Variants in ANK3 observed in about 807,000 individuals in gnomAD.
The protein encoded by ANK3 is ankyrin 3.
A neutral mutation model predicts 370.9 loss-of-function variants in ANK3; 57 were observed. That is an observed-to-expected ratio of 0.15 (90% confidence interval 0.12 to 0.19). ANK3 has a LOEUF of 0.19. Ranked by LOEUF, ANK3 falls within the 10% of genes least tolerant of loss-of-function variation. The pLI, the probability that ANK3 is intolerant of heterozygous loss-of-function variation, is 1.00. For synonymous variants in ANK3, 1,929 were observed against 1,946.3 expected (o/e 0.99, Z 0.23); for missense variants, 4,439 against 5,302.1 (o/e 0.84, Z 5.06).
chr10:60,699,436 T>C (rs1225271442), intron 1 of ANK3, among the ~76,000 whole-genome samples: 1 of 152,120 alleles, frequency 6.6e-6, no homozygotes, highest in Non-Finnish European at 1.5e-5. Flanking sequence ...ATTTTACTTT[T>C]TAAAAACATA....
chr10:60,355,931 C>A (rs2057668117), intron 1 of ANK3, among the ~76,000 whole-genome samples: 1 of 152,188 alleles, frequency 6.6e-6, no homozygotes, highest in Non-Finnish European at 1.5e-5. Context: ...AGGGCAGAAA[C>A]AGAAGCCAGT....
intron 43 of ANK3, among the ~76,000 whole-genome samples, chr10:60,035,555 AAAGAG>A (rs200680174): frequency 0.019 from 2,915 of 151,958 alleles, 46 homozygotes; most frequent in Non-Finnish European, 0.029. Flanking sequence ...GCCCGGCCAA[AAAGAG>A]AGCCACAAAG....
chr10:60,404,344 A>G (rs2063410663), intron 2 of ANK3, among the ~76,000 whole-genome samples: 1 of 152,208 alleles, frequency 6.6e-6, no homozygotes, highest in Non-Finnish European at 1.5e-5. Context: ...TTTAAAATTC[A>G]CTATTACAGA....
At chr10:60,418,277 C>A (rs1007611036) in intron 2 of ANK3, among the ~76,000 whole-genome samples, 1 of 152,150 alleles carries the variant, frequency 6.6e-6, no homozygotes, top group Admixed American at 6.5e-5. Context: ...AATAAATATA[C>A]ACCACACTGA....
At chr10:60,054,951 A>AGT (rs1227796822) in intron 42 of ANK3, among the ~76,000 whole-genome samples, 1 of 152,214 alleles carries the variant, frequency 6.6e-6, no homozygotes. Flanking sequence ...AATATCTAAA[A>AGT]ATAGAGTAAA....
intron 28 of ANK3, among the ~76,000 whole-genome samples, chr10:60,098,420 AAAAT>A (rs2090555056): frequency 6.6e-6 from 1 of 152,202 alleles, no homozygotes; most frequent in African/African-American, 2.4e-5. Flanking sequence ...AAGAAAATAA[AAAAT>A]AAATCTATAA....
intron 2 of ANK3, among the ~76,000 whole-genome samples, chr10:60,410,977 C>T (rs1213325546): frequency 3.3e-5 from 5 of 152,082 alleles, no homozygotes; most frequent in Non-Finnish European, 7.4e-5. Context: ...CCTGGCCTCT[C>T]CCATCCAATC....
At chr10:60,516,328 T>C (rs992611579) in intron 2 of ANK3, among the ~76,000 whole-genome samples, 9 of 152,100 alleles carry the variant, frequency 5.9e-5, no homozygotes, top group Non-Finnish European at 1.0e-4. Context: ...TCCATGGGAC[T>C]GAGGGCACAG....
At chr10:60,203,752 T>C (rs2096719843) in intron 11 of ANK3, among the ~76,000 whole-genome samples, 1 of 152,224 alleles carries the variant, frequency 6.6e-6, no homozygotes, top group Non-Finnish European at 1.5e-5. Flanking sequence ...TACATAAATG[T>C]ACATAGACCC....
chr10:60,203,159 T>A, intron 11 of ANK3, 59 bp from the exon 12 acceptor site: 1 of 1,189,492 alleles, frequency 8.4e-7, no homozygotes, highest in Non-Finnish European at 1.2e-6. Flanking sequence ...GGTTTGTCTG[T>A]GAGCCTGCCT....
intron 9 of ANK3, 117 bp downstream of exon 9, chr10:60,213,295 C>G: frequency 1.6e-6 from 1 of 635,830 alleles, no homozygotes; most frequent in East Asian, 2.8e-5. Flanking sequence ...ATCTGGTGAA[C>G]ATAACTACTC....
chr10:60,447,057 G>A (rs2064467395), intron 2 of ANK3, among the ~76,000 whole-genome samples: 1 of 152,158 alleles, frequency 6.6e-6, no homozygotes, highest in African/African-American at 2.4e-5. Flanking sequence ...AATACCAGGG[G>A]AGTGAGAGAC....
rs758967911 is a variant in ANK3 at position 60,071,281 on chromosome 10, A to C, written c.9600T>G (p.Ile3200Met). Residue 3200 changes from isoleucine to methionine, a missense_variant, in exon 37 of 44, where the codon ATT (isoleucine) becomes ATG (methionine). Ile to Met is a conservative substitution (Grantham distance 10). Coordinates refer to ENST00000280772, the MANE Select transcript of ANK3 (RefSeq NM_020987.5). ...IAYIPGKPSP[I>M]PEVSEESEEE... The stretch of plus-strand genomic sequence containing the variant: ...CCTCTGACTCCTCAGAAACCTCGGG[A>C]ATTGGGCTGGGTTTGCCTGGTATAT... The C allele has an allele frequency of 1.2e-6, 2 of 1,614,050 alleles. No individual in the cohort carries two copies. The highest frequency in any genetic ancestry group is 1.7e-6 in the Non-Finnish European group (2 of 1,179,988).
intron 2 of ANK3, among the ~76,000 whole-genome samples, chr10:60,466,292 T>C (rs1424564327): frequency 6.6e-6 from 1 of 152,142 alleles, no homozygotes; most frequent in Non-Finnish European, 1.5e-5. Context: ...CTCAAGATTT[T>C]GGATCAGGAT....
intron 24 of ANK3, among the ~76,000 whole-genome samples, chr10:60,135,683 G>A (rs1368490969): frequency 6.6e-6 from 1 of 152,256 alleles, no homozygotes; most frequent in South Asian, 2.1e-4. Context: ...TGCTTGATGG[G>A]GAAATGAACA....
chr10:60,526,945 A>G (rs2076486755), intron 2 of ANK3, among the ~76,000 whole-genome samples: 1 of 152,154 alleles, frequency 6.6e-6, no homozygotes. Context: ...TTCTGAATAT[A>G]TGTATTGTGT....
chr10:60,609,568 T>C (rs1337805400), intron 2 of ANK3, among the ~76,000 whole-genome samples: 1 of 152,006 alleles, frequency 6.6e-6, no homozygotes, highest in Non-Finnish European at 1.5e-5. Context: ...CTATGGTAGA[T>C]TCAAAAGGGG....
At chr10:60,455,891 G>C (rs2064735746) in intron 2 of ANK3, among the ~76,000 whole-genome samples, 1 of 152,194 alleles carries the variant, frequency 6.6e-6, no homozygotes, top group African/African-American at 2.4e-5. Flanking sequence ...AGATGCGATG[G>C]ATGATATGGG....
In ANK3 at chr10:60,083,492, C is replaced by T; in HGVS notation, c.4200G>A (p.Lys1400=). ...FKENRLPFSI[K]IRDTSQEPCG... is the part of the protein sequence containing the mutation. The stretch of plus-strand genomic sequence containing the variant: ...AGATTCTCTGTTAAAGATGATTTAC[C>T]TTGATGGAAAATGGCAGTCTATTTT... Residue 1400 remains lysine (K), a splice_region_variant and synonymous_variant, in exon 33 of 44, where the codon AAG becomes AAA. Transcript: ENST00000280772. 1 of 1,608,860 alleles carries T rather than the reference C, an allele frequency of 6.2e-7. No individual in the cohort carries two copies. The highest frequency in any genetic ancestry group is 8.5e-7 in the Non-Finnish European group (1 of 1,177,860).
Sources: allele counts gnomAD v4.1 joint callset (sites outside exome capture counted in the v4.1 genomes callset), GRCh38; gene constraint gnomAD v4.1.1; transcripts MANE v1.5; gene names NCBI Gene and HGNC (gene_info 2026-07-23, HGNC 2026-07-21).